COA1: variants seen among roughly 807,000 people sequenced by gnomAD.
The protein encoded by COA1 is cytochrome c oxidase assembly factor 1 homolog.
COA1 carries 13 observed loss-of-function variants against 16.0 expected under a neutral mutation model. That is an observed-to-expected ratio of 0.81 (90% CI 0.53 to 1.29). The LOEUF (loss-of-function observed/expected upper bound fraction) is 1.29. Ranked by LOEUF, COA1 falls within the 50% of genes most tolerant of loss-of-function variation. The pLI, the probability that COA1 is intolerant of heterozygous loss-of-function variation, is 0.00. For missense variants in COA1, 179 were observed against 177.0 expected (o/e 1.01, Z -0.06); for synonymous variants, 65 against 65.7 (o/e 0.99, Z 0.05).
intron 6 of COA1, among the ~76,000 whole-genome samples, chr7:43,610,310 G>A (rs189588651): frequency 1.2e-3 from 161 of 129,464 alleles, no homozygotes; most frequent in African/African-American, 4.6e-3. Flanking sequence ...TCGTGCCACT[G>A]CACTCCAGCC....
At chr7:43,627,568 AACTC>A (rs2084699412) in intron 6 of COA1, among the ~76,000 whole-genome samples, 1 of 152,224 alleles carries the variant, frequency 6.6e-6, no homozygotes, top group East Asian at 1.9e-4. Context: ...ATACATTTTA[AACTC>A]ACACCTCAAT....
rs766939820 is a variant in COA1 at position 43,703,778 on chromosome 7, TG to T, written c.-39+25650del. On this transcript the variant is annotated intron_variant, in intron 1 of 5. Transcript: ENST00000223336. ...GAGTCTCTTGAAAACAGCATATAGTTGGGTCTTGCTTCTTTATCCAATTAGC... is the reference window on the plus strand; with the variant it reads ...GAGTCTCTTGAAAACAGCATATAGTTGGTCTTGCTTCTTTATCCAATTAGC... 1.6e-4 allele frequency among the ~76,000 whole-genome samples: 25 copies of T among 152,326 alleles called. No homozygotes were observed. The South Asian group carries it at 5.2e-3, about 32-fold the overall frequency.
At chr7:43,708,145 G>A (rs1040001405) in intron 1 of COA1, among the ~76,000 whole-genome samples, 6 of 152,040 alleles carry the variant, frequency 3.9e-5, no homozygotes, top group Non-Finnish European at 5.9e-5. Flanking sequence ...CGGAGGTTGC[G>A]GTGAGCCAAG....
At chr7:43,621,254 T>C (rs1015913444) in intron 6 of COA1, among the ~76,000 whole-genome samples, 3 of 152,212 alleles carry the variant, frequency 2.0e-5, no homozygotes, top group African/African-American at 7.2e-5. Flanking sequence ...GAATACTTAA[T>C]TTTCAGTACA....
chr7:43,690,373 G>C (rs905750838), intron 1 of COA1, among the ~76,000 whole-genome samples: 3 of 152,086 alleles, frequency 2.0e-5, no homozygotes, highest in Non-Finnish European at 4.4e-5. Context: ...CGATCAACGA[G>C]TGGATAAAGA....
chr7:43,714,338 T>C (rs988034353), intron 1 of COA1, among the ~76,000 whole-genome samples: 4 of 152,044 alleles, frequency 2.6e-5, no homozygotes, highest in Non-Finnish European at 5.9e-5. Flanking sequence ...ATAAAAATTA[T>C]ATATTGAGGC....
chr7:43,636,167 G>A (rs2085839981), downstream of COA1, among the ~76,000 whole-genome samples: 1 of 152,170 alleles, frequency 6.6e-6, no homozygotes, highest in African/African-American at 2.4e-5. Context: ...TTTCTGCCCT[G>A]GATTATAACA....
At chr7:43,624,465 A>C in intron 6 of COA1, 6 of 1,517,290 alleles carry the variant, frequency 4.0e-6, no homozygotes, top group Non-Finnish European at 5.3e-6. Context: ...CTTATGCTCT[A>C]ATTTTAATTG....
intron 1 of COA1, among the ~76,000 whole-genome samples, chr7:43,682,010 G>A (rs189391678): frequency 4.3e-4 from 65 of 152,288 alleles, no homozygotes; most frequent in Non-Finnish European, 6.8e-4. Context: ...AGTGTGGAAC[G>A]TGCGGGTTTG....
At chr7:43,675,102 G>A (rs2093450828) in intron 1 of COA1, among the ~76,000 whole-genome samples, 1 of 152,168 alleles carries the variant, frequency 6.6e-6, no homozygotes, top group Non-Finnish European at 1.5e-5. Context: ...TGCACTCACT[G>A]TAACACCATC....
rs914589763 is a variant in COA1 at position 43,705,580 on chromosome 7, C to G, written c.-39+23849G>C. On this transcript the variant is annotated intron_variant, in intron 1 of 5. Coordinates refer to ENST00000223336, the MANE Select transcript of COA1 (RefSeq NM_018224.4). ...GATCAGACTGGTCCCATTCCACAAG[C>G]AAGCCAGCCCTCTATTGTCCAGGTC... 2.6e-5 allele frequency among the ~76,000 whole-genome samples: 4 copies of G among 152,328 alleles called. No homozygotes were observed. In the South Asian group the frequency reaches 6.2e-4, roughly 24 times the overall value.
chr7:43,621,485 T>A (rs1332502510), intron 6 of COA1, among the ~76,000 whole-genome samples: 1 of 152,202 alleles, frequency 6.6e-6, no homozygotes, highest in African/African-American at 2.4e-5. Context: ...TAATGCTTTC[T>A]TTGTTGTTGT....
At chr7:43,713,259 A>C (rs1344761289) in intron 1 of COA1, among the ~76,000 whole-genome samples, 1 of 152,126 alleles carries the variant, frequency 6.6e-6, no homozygotes, top group Non-Finnish European at 1.5e-5. Context: ...GCCTCAATAC[A>C]TATATATGTT....
At chr7:43,703,816 G>A (rs1024390489) in intron 1 of COA1, among the ~76,000 whole-genome samples, 6 of 152,114 alleles carry the variant, frequency 3.9e-5, no homozygotes, top group Non-Finnish European at 1.5e-5. Context: ...ACTCTTTTAA[G>A]TAGGTCATTT....
intron 6 of COA1, among the ~76,000 whole-genome samples, chr7:43,627,038 C>T (rs1415725277): frequency 1.3e-5 from 2 of 152,152 alleles, no homozygotes; most frequent in African/African-American, 4.8e-5. Context: ...TTATCTAAAG[C>T]TGTTAATGTT....
At chr7:43,665,388 CT>C (rs2092812671) in intron 1 of COA1, among the ~76,000 whole-genome samples, 2 of 152,162 alleles carry the variant, frequency 1.3e-5, no homozygotes, top group Non-Finnish European at 2.9e-5. Context: ...TAAATCATTA[CT>C]ATTCCATGCT....
At chr7:43,686,545 C>G (rs1333882378) in intron 1 of COA1, among the ~76,000 whole-genome samples, 1 of 152,212 alleles carries the variant, frequency 6.6e-6, no homozygotes, top group East Asian at 1.9e-4. Context: ...CCGCCCGCCT[C>G]GGCCTCCCAA....
In COA1 at chr7:43,640,614, G is replaced by A. The variant is rs751685362; in HGVS notation, c.300C>T (p.Gly100=). The A allele has an allele frequency of 1.9e-6, 3 of 1,608,252 alleles. No homozygotes were observed. The highest frequency in any genetic ancestry group is 2.5e-6 in the Non-Finnish European group (3 of 1,177,724). The change falls in exon 5 of 6, where the codon GGC becomes GGT. Residue 100 remains glycine, a synonymous_variant. Coordinates refer to ENST00000223336, the MANE Select transcript of COA1 (RefSeq NM_018224.4). ...KIPVSGSKSE[G]LLYVHSSRGG... is the part of the protein sequence containing the mutation. Reference sequence around the variant, plus strand: ...CTCTGGATGAGTGGACGTAGAGAAGGCCCTCTGATTTGGATCCAGAGACAG... The same window carrying A: ...CTCTGGATGAGTGGACGTAGAGAAGACCCTCTGATTTGGATCCAGAGACAG...
intron 1 of COA1, among the ~76,000 whole-genome samples, chr7:43,683,313 T>C (rs1441187381): frequency 6.6e-6 from 1 of 152,194 alleles, no homozygotes; most frequent in Non-Finnish European, 1.5e-5. Flanking sequence ...AGCTCACTAT[T>C]TTTAACATAA....
Sources: gnomAD v4.1 joint callset for allele counts (sites outside exome capture counted in the v4.1 genomes callset) on GRCh38, gnomAD v4.1.1 for gene constraint, MANE v1.5 for transcripts, NCBI Gene and HGNC (gene_info 2026-07-23, HGNC 2026-07-21) for gene names.